The following ZNF639 variants were observed in gnomAD, a reference collection of about 807,000 sequenced individuals.
ZNF639 encodes zinc finger protein 639.
In ZNF639, 20 loss-of-function variants were observed where a neutral mutation model predicts 39.8. The ratio of observed to expected loss-of-function variants is 0.50; its 90% CI spans 0.35 to 0.73. The LOEUF is 0.73. ZNF639 is among the 30% of genes least tolerant of loss of function. The probability of loss-of-function intolerance (pLI) is 0.00; values close to 1 mark genes in which losing one functional copy is unlikely to be tolerated. For synonymous variants in ZNF639, 176 were observed against 189.8 expected (o/e 0.93, Z 0.60); for missense variants, 477 against 566.2 (o/e 0.84, Z 1.60).
intron 3 of ZNF639, among the ~76,000 whole-genome samples, chr3:179,328,629 A>G (rs1727730447): frequency 6.6e-6 from 1 of 152,236 alleles, no homozygotes. Context: ...ATATAACATA[A>G]TTGGGATTTG....
Position 179,338,256 on chromosome 3 carries a change from T to C in ZNF639, c.*3834T>C, listed in dbSNP as rs1385120228. 2 of 152,240 alleles carry C rather than the reference T, an allele frequency of 1.3e-5. No individual in the cohort carries two copies. The highest frequency in any genetic ancestry group is 4.8e-5 in the African/African-American group (2 of 41,454). 9.4% of individuals were successfully genotyped at this position (152,240 alleles called of 1,614,324 possible). On this transcript the variant is annotated 3_prime_UTR_variant, in exon 6 of 6. Transcript: ENST00000496856. ...GATGTTTATTAACACTTCAGTAGAATTCTTCGCAGCAGTGAACAGTAGTGA... is the reference window on the plus strand; with the variant it reads ...GATGTTTATTAACACTTCAGTAGAACTCTTCGCAGCAGTGAACAGTAGTGA...
In ZNF639 at chr3:179,333,371, A is replaced by C. The variant is rs367684429; in HGVS notation, c.407A>C (p.Glu136Ala). The change falls in exon 6 of 6, where the codon GAA (glutamate) becomes GCA (alanine). Residue 136 changes from glutamate (E) to alanine (A), a missense_variant. Physicochemically the swap from Glu to Ala is moderately radical, Grantham distance 107. Coordinates refer to ENST00000496856, the MANE Select transcript of ZNF639 (RefSeq NM_001303426.2). ...EESPIEVHTAEDVPIAVEVHA... is the reference protein window; with the variant it reads ...EESPIEVHTAADVPIAVEVHA... ...AGTCCTATAGAAGTTCACACTGCTG[A>C]AGATGTTCCAATTGCTGTAGAAGTG... 1.2e-6 allele frequency: 2 copies of C among 1,614,150 alleles called. No homozygotes were observed. Among genetic ancestry groups the C allele is most frequent in the Non-Finnish European group, 1.7e-6 (2 of 1,180,018 alleles).
intron 2 of ZNF639, 51 bp from the exon 3 acceptor site, chr3:179,328,232 A>G: frequency 9.4e-7 from 1 of 1,059,702 alleles, no homozygotes. Context: ...TTATAACGTC[A>G]TTAACAGTTG....
Position 179,333,287 on chromosome 3 carries a change from T to C in ZNF639, c.323T>C (p.Val108Ala). The C allele has an allele frequency of 6.2e-7, 1 of 1,602,682 alleles. No individual in the cohort carries two copies. The highest frequency in any genetic ancestry group is 8.5e-7 in the Non-Finnish European group (1 of 1,174,774). Residue 108 changes from valine (V) to alanine (A), a missense_variant, in exon 6 of 6, where the codon GTA (valine) becomes GCA (alanine). Val to Ala is a moderately conservative substitution (Grantham distance 64, BLOSUM62 0). Coordinates refer to ENST00000496856, the MANE Select transcript of ZNF639 (RefSeq NM_001303426.2). ...TCTTCAGAAAAATCTGCTGATATTGTAATTTGTGATGAAGAGTGTGACTCA... is the reference window on the plus strand; with the variant it reads ...TCTTCAGAAAAATCTGCTGATATTGCAATTTGTGATGAAGAGTGTGACTCA... The part of the protein sequence containing the change: ...AFSTEKSADI[V>A]ICDEECDSPE...
Position 179,328,256 on chromosome 3 carries a change from A to C in ZNF639, c.-11-27A>C, listed in dbSNP as rs202091162. 5.4e-6 allele frequency: 7 copies of C among 1,300,622 alleles called. No homozygotes were observed. In the Admixed American group the frequency reaches 1.0e-4, roughly 19 times the overall value. 80.6% of individuals were successfully genotyped at this position (1,300,622 alleles called of 1,614,324 possible). Reference sequence around the variant, plus strand: ...CATTAACAGTTGTTATTTGTGACATATTTGTTAATTTTTTCTCGTTTTTTA... The same window carrying C: ...CATTAACAGTTGTTATTTGTGACATCTTTGTTAATTTTTTCTCGTTTTTTA... On this transcript the variant is annotated intron_variant, in intron 2 of 5. Transcript: ENST00000496856.
chr3:179,328,827 G>C (rs1347447157), intron 3 of ZNF639, among the ~76,000 whole-genome samples: 1 of 147,562 alleles, frequency 6.8e-6, no homozygotes, highest in East Asian at 2.0e-4. Flanking sequence ...CCAGGCTGGA[G>C]TGCCATGGTG....
chr3:179,324,182 T>G (rs1727449539), intron 1 of ZNF639, among the ~76,000 whole-genome samples: 2 of 152,236 alleles, frequency 1.3e-5, no homozygotes, highest in Admixed American at 6.5e-5. Flanking sequence ...AAAGACGTCT[T>G]ACAGCAATTA....
In ZNF639 at chr3:179,334,030, C is replaced by G. The variant is rs369612768; in HGVS notation, c.1066C>G (p.His356Asp). Reference sequence around the variant, plus strand: ...AAGTGATAAGTATAACAATGGTGAACATGGACAGTATAGCCTCTTAAGCAA... The same window carrying G: ...AAGTGATAAGTATAACAATGGTGAAGATGGACAGTATAGCCTCTTAAGCAA... ...ELSDKYNNGE[H>D]GQYSLLSKIT... Residue 356 changes from histidine (H) to aspartate (D), a missense_variant, in exon 6 of 6, where the codon CAT (histidine) becomes GAT (aspartate). Coordinates refer to ENST00000496856, the MANE Select transcript of ZNF639 (RefSeq NM_001303426.2). 1.9e-6 allele frequency: 3 copies of G among 1,614,020 alleles called. No homozygotes were observed. Among genetic ancestry groups the G allele is most frequent in the Non-Finnish European group, 2.5e-6 (3 of 1,180,030 alleles).
chr3:179,324,919 T>C (rs751239789), intron 1 of ZNF639: 1 of 152,278 alleles, frequency 6.6e-6, no homozygotes, highest in Non-Finnish European at 1.5e-5. Flanking sequence ...TGAATCGTAA[T>C]AGCTCTTCTC....
chr3:179,326,115 G>C (rs994984537), intron 1 of ZNF639, among the ~76,000 whole-genome samples: 1 of 152,116 alleles, frequency 6.6e-6, no homozygotes, highest in Non-Finnish European at 1.5e-5. Flanking sequence ...CGGATCACTT[G>C]AGGTCAGGAG....
In ZNF639 at chr3:179,327,543, T is replaced by C. The variant is rs1001534535; in HGVS notation, c.-82-18T>C. ...GCTGTATTTTTGCTTAATAACTTCT[T>C]TCATGTTTTACTTACAGGCATTTTT... On this transcript the variant is annotated intron_variant, in intron 1 of 5. Transcript: ENST00000496856. The C allele has an allele frequency of 6.6e-6, 1 of 152,240 alleles. No individual in the cohort carries two copies. Among genetic ancestry groups the C allele is most frequent in the African/African-American group, 2.4e-5 (1 of 41,458 alleles). The allele number at this position is 152,240 out of a possible 1,614,324, so 9.4% of individuals were successfully genotyped here.
Position 179,334,168 on chromosome 3 carries a change from C to A in ZNF639, c.1204C>A (p.Pro402Thr), listed in dbSNP as rs868748615. Residue 402 changes from proline (P) to threonine (T), a missense_variant, in exon 6 of 6, where the codon CCT (proline) becomes ACT (threonine). Physicochemically the swap from Pro to Thr is conservative, Grantham distance 38 (BLOSUM62 -1). Coordinates refer to ENST00000496856, the MANE Select transcript of ZNF639 (RefSeq NM_001303426.2). ...HVAIEHTKIF[P>T]HVCDDCGKGF... is the part of the protein sequence containing the mutation. The stretch of plus-strand genomic sequence containing the variant: ...TGCTATTGAACATACAAAAATTTTT[C>A]CTCATGTTTGTGATGACTGTGGGAA... The A allele has an allele frequency of 1.2e-6, 2 of 1,614,060 alleles. No homozygotes were observed. Among genetic ancestry groups the A allele is most frequent in the Non-Finnish European group, 1.7e-6 (2 of 1,179,968 alleles).
At chr3:179,324,517 T>C (rs1408761319) in intron 1 of ZNF639, among the ~76,000 whole-genome samples, 1 of 152,230 alleles carries the variant, frequency 6.6e-6, no homozygotes, top group Non-Finnish European at 1.5e-5. Context: ...CTAAGTTTTT[T>C]CAAGGCTGTT....
chr3:179,334,007 G>T lies in ZNF639; in HGVS notation c.1043G>T (p.Ser348Ile). 6.2e-7 allele frequency: 1 copy of T among 1,614,178 alleles called. No individual in the cohort carries two copies. Residue 348 changes from serine (S) to isoleucine (I), a missense_variant, in exon 6 of 6, where the codon AGT becomes ATT. By Grantham distance (142) the Ser-to-Ile change is moderately radical. Coordinates refer to ENST00000496856, the MANE Select transcript of ZNF639 (RefSeq NM_001303426.2). ...CATGCATGTAAATTAATAGAGTTAA[G>T]TGATAAGTATAACAATGGTGAACAT... The part of the protein sequence containing the change: ...NEHACKLIEL[S>I]DKYNNGEHGQ...
rs761759749 is a variant in ZNF639, at chr3:179,328,356, G to C, written c.58+5G>C. 6 of 1,567,164 alleles carry C rather than the reference G, an allele frequency of 3.8e-6. No individual in the cohort carries two copies. The highest frequency in any genetic ancestry group is 5.2e-6 in the Non-Finnish European group (6 of 1,155,434). On this transcript the variant is annotated splice_donor_5th_base_variant and intron_variant, in intron 3 of 5. Coordinates refer to ENST00000496856, the MANE Select transcript of ZNF639 (RefSeq NM_001303426.2). The stretch of plus-strand genomic sequence containing the variant: ...TACACCCTTCTCGTTATTCAGGTCA[G>C]TGTATAATTATTTTAAAGTTGGGTA...
At chr3:179,322,915 TC>T, upstream of ZNF639, 1 of 984,370 alleles carries the variant, frequency 1.0e-6, no homozygotes, top group Non-Finnish European at 1.2e-6. Context: ...CCGCTGGGCC[TC>T]CCCCGGGGCT....
intron 4 of ZNF639, 148 bp downstream of exon 4, chr3:179,329,876 A>G (rs1727805915): frequency 2.8e-5 from 10 of 361,214 alleles, no homozygotes; most frequent in African/African-American, 2.5e-5. Context: ...ACAAAGTTGT[A>G]TTTTTTTAAG....
intron 4 of ZNF639, among the ~76,000 whole-genome samples, chr3:179,330,830 G>T (rs1309372745): frequency 6.6e-6 from 1 of 152,238 alleles, no homozygotes; most frequent in Non-Finnish European, 1.5e-5. Context: ...TAGAGAGTTA[G>T]AGACATCGGT....
chr3:179,329,580 G>A (rs371434716), intron 3 of ZNF639, 38 bp from the exon 4 acceptor site: 51 of 1,213,348 alleles, frequency 4.2e-5, no homozygotes, highest in Non-Finnish European at 6.0e-5. Flanking sequence ...AAATATGTAT[G>A]TTTACTGTAC....
Sources: allele counts gnomAD v4.1 joint callset (sites outside exome capture counted in the v4.1 genomes callset), GRCh38; gene constraint gnomAD v4.1.1; transcripts MANE v1.5; gene names NCBI Gene and HGNC (gene_info 2026-07-23, HGNC 2026-07-21).